UBE2G2: variants seen among roughly 807,000 people sequenced by gnomAD.
UBE2G2 encodes ubiquitin conjugating enzyme E2 G2.
Under a neutral mutation model 23.0 loss-of-function variants are expected in UBE2G2, and 10 were observed. The observed-to-expected ratio is 0.43, with a 90% CI of 0.27 to 0.74. UBE2G2 has a LOEUF of 0.74. Ranked by LOEUF, UBE2G2 falls within the 30% of genes least tolerant of loss-of-function variation. The pLI, the probability that UBE2G2 is intolerant of heterozygous loss-of-function variation, is 0.19. For missense variants in UBE2G2, 150 were observed against 218.3 expected (o/e 0.69, Z 1.97); for synonymous variants, 86 against 81.3 (o/e 1.06, Z -0.31).
At chr21:44,797,278 C>T (rs2083098446) in intron 1 of UBE2G2, among the ~76,000 whole-genome samples, 1 of 152,222 alleles carries the variant, frequency 6.6e-6, no homozygotes, top group African/African-American at 2.4e-5. Context: ...ACAGATGAAG[C>T]TTCTGTCAGG....
chr21:44,798,726 C>T (rs782030677), intron 1 of UBE2G2, among the ~76,000 whole-genome samples: 2 of 152,200 alleles, frequency 1.3e-5, no homozygotes, highest in Non-Finnish European at 2.9e-5. Context: ...CCTGCAGTTG[C>T]TTCCTCCCCT....
intron 3 of UBE2G2, among the ~76,000 whole-genome samples, chr21:44,781,846 C>A (rs1359495482): frequency 6.6e-6 from 1 of 152,162 alleles, no homozygotes; most frequent in East Asian, 1.9e-4. Flanking sequence ...ATAGTAGGGG[C>A]AAATATAGCT....
rs537501767 is a variant in UBE2G2 at position 44,771,268 on chromosome 21, G to C, written c.*109C>G. 1.9e-5 allele frequency: 18 copies of C among 945,718 alleles called. No individual in the cohort carries two copies. In the Admixed American group the frequency reaches 2.1e-4, roughly 11 times the overall value. The allele number at this position is 945,718 out of a possible 1,614,324, so 58.6% of individuals were successfully genotyped here. A position where few individuals can be genotyped will look rare whatever the true frequency, so the allele number is the denominator to read the frequency against. On this transcript the variant is annotated 3_prime_UTR_variant, in exon 6 of 6. Transcript: ENST00000345496. This position sits in a 1 kb window ranked among gnomAD's most constrained non-coding sequence, Gnocchi z 4.6. Reference sequence around the variant, plus strand: ...AAAAAAAAAAGATGCCATGGTTCTTGCAAGTCTGCCTTGTTTGGTACCAGC... The same window carrying C: ...AAAAAAAAAAGATGCCATGGTTCTTCCAAGTCTGCCTTGTTTGGTACCAGC...
Position 44,776,198 on chromosome 21 carries a change from G to A in UBE2G2, c.244+1101C>T, listed in dbSNP as rs185650296. On this transcript the variant is annotated intron_variant, in intron 4 of 5. Coordinates refer to ENST00000345496, the MANE Select transcript of UBE2G2 (RefSeq NM_003343.6). ...GTAAAAGGAAAAAATAAAAACTACA[G>A]CTGTTCAGAAATTCCAATTCCTACT... Among the ~76,000 whole-genome samples the A allele has an allele frequency of 1.0e-3, 154 of 152,196 alleles. 1 individual carries two copies. The highest frequency in any genetic ancestry group is 4.8e-3 in the South Asian group (23 of 4,828).
Position 44,769,009 on chromosome 21 carries a change from T to A in UBE2G2, c.*2368A>T, listed in dbSNP as rs1204194508. On this transcript the variant is annotated 3_prime_UTR_variant, in exon 6 of 6. Transcript: ENST00000345496. ...CTCCCTGGGGGCAGTGGCCACAGGC[T>A]CCTCTGACAATACGACAAAGGGACA... 2 of 152,082 alleles carry A rather than the reference T, an allele frequency of 1.3e-5. No homozygotes were observed. 9.4% of individuals were successfully genotyped at this position (152,082 alleles called of 1,614,324 possible).
At position 44,772,750 on chromosome 21, in the gene UBE2G2, C is replaced by T. The variant is rs535084541; in HGVS notation, c.385+797G>A. Among the ~76,000 whole-genome samples, 1 of 152,258 alleles carries T rather than the reference C, an allele frequency of 6.6e-6. No homozygotes were observed. The highest frequency in any genetic ancestry group is 1.5e-5 in the Non-Finnish European group (1 of 67,998). On this transcript the variant is annotated intron_variant, in intron 5 of 5. Transcript: ENST00000345496. This position sits in a 1 kb window ranked among gnomAD's most constrained non-coding sequence, Gnocchi z 5.4. ...CCTGTACCTTCAAGGTCTCCCAAAC[C>T]CACCCCTTCCTCTTAGCCCTGGGAC...
intron 4 of UBE2G2, 57 bp from the exon 5 acceptor site, chr21:44,773,744 C>T (rs905651912): frequency 5.6e-5 from 88 of 1,585,186 alleles, no homozygotes; most frequent in East Asian, 1.3e-4. Flanking sequence ...GGCATCGCCG[C>T]GCTTGGGCAG....
intron 1 of UBE2G2, among the ~76,000 whole-genome samples, 200 bp from the exon 2 acceptor site, chr21:44,788,295 TTTG>T (rs2083015204): frequency 1.4e-5 from 2 of 147,970 alleles, no homozygotes; most frequent in Non-Finnish European, 1.5e-5. Flanking sequence ...TTGTTTTTTT[TTTG>T]TTTTTTTTTG....
At chr21:44,773,945 A>G (rs2082894030) in intron 4 of UBE2G2, 2 of 368,996 alleles carry the variant, frequency 5.4e-6, no homozygotes, top group African/African-American at 4.2e-5. Context: ...ATCCACTTTC[A>G]TATGAATTTT....
In UBE2G2 at chr21:44,800,397, T is replaced by TA. The variant is rs1356754312; in HGVS notation, c.43+1308dup. The TA allele has an allele frequency of 1.1e-4, 15 of 140,722 alleles. No individual in the cohort carries two copies. In the East Asian group the frequency reaches 2.9e-3, roughly 27 times the overall value. 8.7% of individuals were successfully genotyped at this position (140,722 alleles called of 1,614,324 possible). A position where few individuals can be genotyped will look rare whatever the true frequency, so the allele number is the denominator to read the frequency against. ...ACAAAATATTTGAAAAAAATAACAA[T>TA]AAAAAATGACGATTTAAAAATACAA... is the stretch of plus-strand genomic sequence containing the variant. On this transcript the variant is annotated intron_variant, in intron 1 of 5. Transcript: ENST00000345496.
At chr21:44,799,189 T>C (rs1170691564) in intron 1 of UBE2G2, among the ~76,000 whole-genome samples, 2 of 152,166 alleles carry the variant, frequency 1.3e-5, no homozygotes, top group Non-Finnish European at 2.9e-5. Context: ...TCAGAGTAGA[T>C]TTAGCATAAT....
At chr21:44,777,700 T>C (rs1180651511) in intron 3 of UBE2G2, among the ~76,000 whole-genome samples, 3 of 151,928 alleles carry the variant, frequency 2.0e-5, no homozygotes, top group Non-Finnish European at 4.4e-5. Flanking sequence ...CCCAGCTACT[T>C]GGGAGGCTGA....
intron 1 of UBE2G2, among the ~76,000 whole-genome samples, chr21:44,799,801 C>A (rs1601202579): frequency 6.6e-6 from 1 of 152,226 alleles, no homozygotes; most frequent in African/African-American, 2.4e-5. Context: ...AGCTTTCAGC[C>A]TATCTTGACT....
At chr21:44,787,514 T>C (rs529851437) in intron 3 of UBE2G2, among the ~76,000 whole-genome samples, 1 of 152,344 alleles carries the variant, frequency 6.6e-6, no homozygotes, top group African/African-American at 2.4e-5. Context: ...TGCGCTAACA[T>C]GCCTGGTGTG....
intron 3 of UBE2G2, among the ~76,000 whole-genome samples, chr21:44,777,775 T>C (rs560358095): frequency 6.6e-5 from 10 of 152,174 alleles, no homozygotes; most frequent in African/African-American, 2.4e-4. Context: ...GCCACCGCAC[T>C]CAAGCCTGGG....
chr21:44,795,628 T>C (rs1569301751), intron 1 of UBE2G2, among the ~76,000 whole-genome samples: 1 of 146,662 alleles, frequency 6.8e-6, no homozygotes, highest in Non-Finnish European at 1.5e-5. Flanking sequence ...TGAGAACCTG[T>C]CTCAAAAAAA....
intron 3 of UBE2G2, among the ~76,000 whole-genome samples, chr21:44,779,379 G>T: frequency 7.8e-6 from 1 of 128,890 alleles, no homozygotes. Context: ...GGTGGGGGGG[G>T]GGTACTGTGT....
chr21:44,774,253 G>C (rs1601175886), intron 4 of UBE2G2: 1 of 154,062 alleles, frequency 6.5e-6, no homozygotes, highest in South Asian at 2.0e-4. Flanking sequence ...GTAGGTCAAT[G>C]TGTCTAAATC....
chr21:44,781,697 C>T (rs1275944901), intron 3 of UBE2G2, among the ~76,000 whole-genome samples: 1 of 152,194 alleles, frequency 6.6e-6, no homozygotes, highest in Non-Finnish European at 1.5e-5. Flanking sequence ...AGGGCCCTGG[C>T]TCTGGTTTAA....
Sources: allele counts gnomAD v4.1 joint callset (sites outside exome capture counted in the v4.1 genomes callset), GRCh38; gene constraint gnomAD v4.1.1; non-coding constraint Gnocchi (gnomAD v3.1); transcripts MANE v1.5; gene names NCBI Gene and HGNC (gene_info 2026-07-23, HGNC 2026-07-21).